The following FMN1 variants were observed in gnomAD, a reference collection of about 807,000 sequenced individuals.
FMN1 encodes the protein formin 1.
Under a neutral mutation model 132.4 loss-of-function variants are expected in FMN1, and 110 were observed. The observed-to-expected ratio is 0.83, with a 90% CI of 0.71 to 0.97. The LOEUF is 0.97. Ranked by LOEUF, FMN1 falls within the 50% of genes least tolerant of loss-of-function variation. The pLI, the probability that FMN1 is intolerant of heterozygous loss-of-function variation, is 0.00. For missense variants in FMN1, 1,792 were observed against 1,705.3 expected (o/e 1.05, Z -0.90); for synonymous variants, 722 against 651.7 (o/e 1.11, Z -1.64).
intron 4 of FMN1, chr15:33,150,594 C>T (rs901414758): frequency 2.0e-6 from 2 of 985,354 alleles, no homozygotes; most frequent in African/African-American, 1.7e-5. Flanking sequence ...TCAGCTTTAA[C>T]TGCTTAGTCT....
At chr15:32,835,438 T>C (rs1200642948) in intron 17 of FMN1, among the ~76,000 whole-genome samples, 1 of 152,216 alleles carries the variant, frequency 6.6e-6, no homozygotes, top group East Asian at 1.9e-4. Flanking sequence ...GGATATTCTT[T>C]GAGGAAGCCT....
chr15:32,828,986 G>A (rs1014014809), intron 17 of FMN1, among the ~76,000 whole-genome samples: 4 of 152,098 alleles, frequency 2.6e-5, no homozygotes, highest in African/African-American at 9.7e-5. Flanking sequence ...GCTACACATC[G>A]AATGTTTTGT....
chr15:32,827,625 T>C (rs1361173538), intron 17 of FMN1, among the ~76,000 whole-genome samples: 1 of 151,776 alleles, frequency 6.6e-6, no homozygotes, highest in African/African-American at 2.4e-5. Context: ...CCGAGACAGG[T>C]GGATCATCAG....
intron 2 of FMN1, among the ~76,000 whole-genome samples, chr15:33,182,573 T>A (rs990564439): frequency 6.6e-6 from 1 of 152,176 alleles, no homozygotes; most frequent in African/African-American, 2.4e-5. Context: ...TAAACACAGA[T>A]ACTCCTGTTT....
chr15:32,788,654 T>C (rs999388289), intron 19 of FMN1, among the ~76,000 whole-genome samples: 4 of 152,202 alleles, frequency 2.6e-5, no homozygotes, highest in African/African-American at 9.7e-5. Context: ...CACAGATAAG[T>C]AATTTAGAAA....
intron 10 of FMN1, among the ~76,000 whole-genome samples, chr15:32,922,105 T>C (rs527564079): frequency 6.6e-6 from 1 of 152,184 alleles, no homozygotes; most frequent in African/African-American, 2.4e-5. Context: ...TCTACTATAA[T>C]GTTGGGCTGC....
chr15:32,839,978 T>G (rs2058710787), intron 17 of FMN1, among the ~76,000 whole-genome samples: 1 of 152,194 alleles, frequency 6.6e-6, no homozygotes, highest in Non-Finnish European at 1.5e-5. Context: ...TTTTTCCCTG[T>G]GAGCATTTAT....
At chr15:33,057,685 T>G (rs1369322219) in intron 6 of FMN1, among the ~76,000 whole-genome samples, 1 of 152,186 alleles carries the variant, frequency 6.6e-6, no homozygotes, top group Non-Finnish European at 1.5e-5. Flanking sequence ...CTACTTTCCT[T>G]TCCCTCTGAA....
intron 7 of FMN1, among the ~76,000 whole-genome samples, chr15:32,975,774 G>A (rs891020125): frequency 6.6e-6 from 1 of 152,130 alleles, no homozygotes; most frequent in East Asian, 1.9e-4. Flanking sequence ...CCACCCGGTA[G>A]AAATGAACCA....
At chr15:32,940,772 T>C (rs1159719636) in intron 9 of FMN1, among the ~76,000 whole-genome samples, 2 of 152,102 alleles carry the variant, frequency 1.3e-5, no homozygotes, top group South Asian at 4.1e-4. Context: ...CAAAAGACAC[T>C]GTAACTCATG....
Position 32,771,561 on chromosome 15 carries a change from G to C in FMN1, c.*2749C>G, listed in dbSNP as rs185779684. ...TGTCTAAGAGGAGACAAAGTTGTTTGTAAGTTAAGGGTTCTTAGAGTTACT... is the reference window on the plus strand; with the variant it reads ...TGTCTAAGAGGAGACAAAGTTGTTTCTAAGTTAAGGGTTCTTAGAGTTACT... On this transcript the variant is annotated 3_prime_UTR_variant, in exon 21 of 21. Coordinates refer to ENST00000616417, the MANE Select transcript of FMN1 (RefSeq NM_001277313.2). 1 of 152,214 alleles carries C rather than the reference G, an allele frequency of 6.6e-6. No individual in the cohort carries two copies. Among genetic ancestry groups the C allele is most frequent in the Non-Finnish European group, 1.5e-5 (1 of 68,038 alleles). 9.4% of individuals were successfully genotyped at this position (152,214 alleles called of 1,614,324 possible).
In FMN1 at chr15:32,901,992, C is replaced by A. The variant is rs1452290600; in HGVS notation, c.3426G>T (p.Gln1142His). The change falls in exon 13 of 21, where the codon CAG becomes CAT. Residue 1142 changes from glutamine to histidine, a missense_variant. Gln to His is a conservative substitution (Grantham distance 24). Coordinates refer to ENST00000616417, the MANE Select transcript of FMN1 (RefSeq NM_001277313.2). Reference protein sequence around the residue: ...AQIPNFAERAQCIIFRSVFSE... With the variant: ...AQIPNFAERAHCIIFRSVFSE... ...AAAAGACAGATCTGAAGATTATGCACTGGGCACGTTCAGCAAAATTAGGAA... is the reference window on the plus strand; with the variant it reads ...AAAAGACAGATCTGAAGATTATGCAATGGGCACGTTCAGCAAAATTAGGAA... 1 of 1,613,210 alleles carries A rather than the reference C, an allele frequency of 6.2e-7. No homozygotes were observed. The highest frequency in any genetic ancestry group is 2.2e-5 in the East Asian group (1 of 44,856).
intron 6 of FMN1, among the ~76,000 whole-genome samples, chr15:33,022,864 T>G (rs2035479140): frequency 6.6e-6 from 1 of 151,952 alleles, no homozygotes; most frequent in South Asian, 2.1e-4. Context: ...AAAGGGAAGT[T>G]GGAAGAGGTT....
At chr15:32,901,287 T>C (rs1042083865) in intron 13 of FMN1, among the ~76,000 whole-genome samples, 3 of 152,190 alleles carry the variant, frequency 2.0e-5, no homozygotes, top group Admixed American at 2.0e-4. Context: ...TACTGAAATA[T>C]CTCATATCTT....
intron 4 of FMN1, among the ~76,000 whole-genome samples, chr15:33,117,217 AAAC>A (rs1376128729): frequency 1.3e-5 from 2 of 152,312 alleles, no homozygotes; most frequent in African/African-American, 2.4e-5. Context: ...GAGAGAGAGA[AAAC>A]AAATCCAGGG....
chr15:32,968,780 G>C lies in FMN1; in HGVS notation c.2921C>G (p.Pro974Arg). The change falls in exon 8 of 21, where the codon CCA (proline) becomes CGA (arginine). Residue 974 changes from proline to arginine, a missense_variant. Around this residue, in one of 3 missense-constraint regions of FMN1, gnomAD observed 1,150 missense variants for 1,043.1 expected, o/e 1.10. Coordinates refer to ENST00000616417, the MANE Select transcript of FMN1 (RefSeq NM_001277313.2). ...GSSSSQCPRK[P>R]AIEPSCPMKP... ...CATGGGACAACTGGGCTCGATGGCT[G>C]GTTTTCGAGGACATTGACTGGAAGA... The C allele has an allele frequency of 6.2e-7, 1 of 1,613,258 alleles. No homozygotes were observed. The highest frequency in any genetic ancestry group is 1.3e-5 in the African/African-American group (1 of 74,792).
At chr15:33,085,847 ATAAT>A (rs1221103216) in intron 5 of FMN1, among the ~76,000 whole-genome samples, 1 of 152,192 alleles carries the variant, frequency 6.6e-6, no homozygotes, top group African/African-American at 2.4e-5. Context: ...TAACAGAGAA[ATAAT>A]TAAATAAATT....
intron 17 of FMN1, among the ~76,000 whole-genome samples, chr15:32,831,667 A>T (rs1248657178): frequency 6.6e-6 from 1 of 152,108 alleles, no homozygotes; most frequent in African/African-American, 2.4e-5. Flanking sequence ...GGACAAGTAG[A>T]CTAGAGACTA....
chr15:32,955,413 G>GTA (rs1241814355), intron 9 of FMN1, among the ~76,000 whole-genome samples: 29 of 152,150 alleles, frequency 1.9e-4, no homozygotes, highest in Admixed American at 1.9e-3. Context: ...TGCAACCGAA[G>GTA]TATACATATA....
Sources: allele counts gnomAD v4.1 joint callset (sites outside exome capture counted in the v4.1 genomes callset), GRCh38; gene constraint gnomAD v4.1.1; regional missense constraint gnomAD v4.1.1; transcripts MANE v1.5; gene names NCBI Gene and HGNC (gene_info 2026-07-23, HGNC 2026-07-21).